SH3PXD2A: variants seen among roughly 807,000 people sequenced by gnomAD.
SH3PXD2A encodes the protein SH3 and PX domain-containing protein 2A.
In SH3PXD2A, 32 loss-of-function variants were observed where a neutral mutation model predicts 115.2. That is an observed-to-expected ratio of 0.28 (90% confidence interval 0.21 to 0.37). SH3PXD2A has a LOEUF of 0.37. Ranked by LOEUF, SH3PXD2A falls within the 10% of genes least tolerant of loss-of-function variation. The pLI is 1.00. For synonymous variants in SH3PXD2A, 610 were observed against 629.1 expected (o/e 0.97, Z 0.45); for missense variants, 1,328 against 1,498.7 (o/e 0.89, Z 1.88).
intron 3 of SH3PXD2A, among the ~76,000 whole-genome samples, chr10:103,758,420 C>A (rs901926646): frequency 2.0e-5 from 3 of 152,172 alleles, no homozygotes; most frequent in African/African-American, 7.2e-5. Flanking sequence ...GCCACATGAC[C>A]TGGTTATTTT....
chr10:103,623,730 C>A (rs542310172), intron 9 of SH3PXD2A, among the ~76,000 whole-genome samples: 1 of 152,340 alleles, frequency 6.6e-6, no homozygotes, highest in East Asian at 1.9e-4. Flanking sequence ...TCTCTTTCCT[C>A]ATCTGTCTTA....
At position 103,609,514 on chromosome 10, in the gene SH3PXD2A, A is replaced by G. The variant is rs1227317710; in HGVS notation, c.1308+2067T>C. On this transcript the variant is annotated intron_variant, in intron 13 of 14. Coordinates refer to ENST00000369774, the MANE Select transcript of SH3PXD2A (RefSeq NM_001394015.1). ...TGGCACAGCAGCATCTAAGCATGAC[A>G]TTCAAGGACATTTAGAAGCTGGCTT... is the stretch of plus-strand genomic sequence containing the variant. 8.5e-5 allele frequency: 13 copies of G among 152,246 alleles called. No homozygotes were observed. The East Asian group carries it at 2.3e-3, about 27-fold the overall frequency. The allele number at this position is 152,246 out of a possible 1,614,324, so 9.4% of individuals were successfully genotyped here.
At chr10:103,725,660 C>A (rs1311660865) in intron 4 of SH3PXD2A, among the ~76,000 whole-genome samples, 2 of 151,952 alleles carry the variant, frequency 1.3e-5, no homozygotes, top group African/African-American at 4.8e-5. Context: ...AACCCCGTCT[C>A]TACGAAAAAT....
At chr10:103,811,687 G>A (rs1425414635) in intron 1 of SH3PXD2A, among the ~76,000 whole-genome samples, 1 of 152,238 alleles carries the variant, frequency 6.6e-6, no homozygotes, top group Non-Finnish European at 1.5e-5. Flanking sequence ...AGCTCTGTCA[G>A]TTGGTGACAG....
chr10:103,711,779 G>C (rs1278480472), intron 5 of SH3PXD2A, among the ~76,000 whole-genome samples: 1 of 152,208 alleles, frequency 6.6e-6, no homozygotes, highest in South Asian at 2.1e-4. Context: ...TGGTGGCCAG[G>C]CATGGCAGCT....
chr10:103,837,695 C>T (rs921004727), intron 1 of SH3PXD2A, among the ~76,000 whole-genome samples: 1 of 152,186 alleles, frequency 6.6e-6, no homozygotes, highest in Non-Finnish European at 1.5e-5. Context: ...CACGGACCCT[C>T]TCTGAGCCTT....
intron 4 of SH3PXD2A, among the ~76,000 whole-genome samples, chr10:103,735,138 C>T (rs1035030537): frequency 1.3e-5 from 2 of 152,248 alleles, no homozygotes; most frequent in Non-Finnish European, 2.9e-5. Context: ...CAGCGCTGGG[C>T]TCTAATCAAA....
chr10:103,840,612 G>A (rs1316968096), intron 1 of SH3PXD2A, among the ~76,000 whole-genome samples: 1 of 152,214 alleles, frequency 6.6e-6, no homozygotes, highest in Non-Finnish European at 1.5e-5. Context: ...GAAACAAGAG[G>A]TTTCGCGAAG....
chr10:103,646,379 T>A (rs2037036470), intron 8 of SH3PXD2A, among the ~76,000 whole-genome samples: 1 of 152,034 alleles, frequency 6.6e-6, no homozygotes, highest in Non-Finnish European at 1.5e-5. Flanking sequence ...AACCAGATAC[T>A]CCCCTAGTCC....
chr10:103,711,269 C>T (rs1035781598), intron 5 of SH3PXD2A, among the ~76,000 whole-genome samples: 1 of 152,244 alleles, frequency 6.6e-6, no homozygotes, highest in Non-Finnish European at 1.5e-5. Context: ...TGGAATTTCC[C>T]TGGGTAGAAA....
intron 11 of SH3PXD2A, among the ~76,000 whole-genome samples, chr10:103,615,486 G>GTGTGTT: frequency 3.2e-5 from 1 of 31,246 alleles, no homozygotes; most frequent in Non-Finnish European, 5.7e-5. Context: ...GTGCGAGGGT[G>GTGTGTT]TGTGTGTGTG....
chr10:103,607,052 G>T (rs886094410), intron 13 of SH3PXD2A, among the ~76,000 whole-genome samples: 1 of 150,694 alleles, frequency 6.6e-6, no homozygotes. Context: ...GAAGTGAGGA[G>T]CGCCTCTTCC....
At chr10:103,659,160 G>T (rs932273376) in intron 8 of SH3PXD2A, among the ~76,000 whole-genome samples, 2 of 152,188 alleles carry the variant, frequency 1.3e-5, no homozygotes, top group Non-Finnish European at 2.9e-5. Context: ...GGATAGGAGG[G>T]GAGAGGGCGC....
intron 1 of SH3PXD2A, among the ~76,000 whole-genome samples, chr10:103,841,286 C>T (rs1008518091): frequency 2.6e-5 from 4 of 152,266 alleles, no homozygotes; most frequent in African/African-American, 9.6e-5. Flanking sequence ...GAATTCACGC[C>T]CCTACCTGCC....
intron 4 of SH3PXD2A, among the ~76,000 whole-genome samples, chr10:103,732,787 C>T (rs1490610423): frequency 2.0e-5 from 3 of 152,210 alleles, no homozygotes; most frequent in Non-Finnish European, 4.4e-5. Context: ...TAAGTAGAGA[C>T]TCCAGAGGCT....
intron 5 of SH3PXD2A, among the ~76,000 whole-genome samples, chr10:103,723,820 C>A (rs888226969): frequency 1.3e-5 from 2 of 152,188 alleles, no homozygotes; most frequent in Non-Finnish European, 1.5e-5. Context: ...ATTATAAAAT[C>A]TGTTGTAGCA....
At chr10:103,675,532 C>A (rs1487762221) in intron 6 of SH3PXD2A, among the ~76,000 whole-genome samples, 1 of 152,026 alleles carries the variant, frequency 6.6e-6, no homozygotes, top group East Asian at 1.9e-4. Flanking sequence ...CCCCCACAGG[C>A]TGGAAGGACT....
chr10:103,667,854 G>A (rs7067987), intron 7 of SH3PXD2A, among the ~76,000 whole-genome samples: 39 of 152,298 alleles, frequency 2.6e-4, no homozygotes, highest in African/African-American at 8.7e-4. Flanking sequence ...CTCCATCCAG[G>A]AGCTGAGAAC....
rs539816278 is a variant in SH3PXD2A at position 103,823,735 on chromosome 10, C to T, written c.73-22373G>A. ...CCTGTGTTTTGTCCCTGCCTCATGGCGTGGCCTCACACTACAACTCACAGA... is the reference window on the plus strand; with the variant it reads ...CCTGTGTTTTGTCCCTGCCTCATGGTGTGGCCTCACACTACAACTCACAGA... On this transcript the variant is annotated intron_variant, in intron 1 of 14. Transcript: ENST00000369774. 8.5e-5 allele frequency among the ~76,000 whole-genome samples: 13 copies of T among 152,264 alleles called. No individual in the cohort carries two copies. The East Asian group carries it at 1.5e-3, about 18-fold the overall frequency.
Sources: allele counts gnomAD v4.1 joint callset (sites outside exome capture counted in the v4.1 genomes callset), GRCh38; gene constraint gnomAD v4.1.1; transcripts MANE v1.5; gene names NCBI Gene and HGNC (gene_info 2026-07-23, HGNC 2026-07-21).